Variants in MLIP observed in about 807,000 individuals in gnomAD.
The protein encoded by MLIP is muscular LMNA-interacting protein.
A neutral mutation model predicts 84.8 loss-of-function variants in MLIP; 79 were observed. That is an observed-to-expected ratio of 0.93 (90% CI 0.78 to 1.12). The LOEUF (loss-of-function observed/expected upper bound fraction) is 1.12. Among genes scored for constraint, MLIP ranks in the 50% most tolerant of loss-of-function variants. MLIP has a pLI of 0.00. For missense variants in MLIP, 1,257 were observed against 1,160.6 expected (o/e 1.08, Z -1.21); for synonymous variants, 504 against 463.0 (o/e 1.09, Z -1.14).
chr6:54,251,441 CAT>C lies in MLIP; in HGVS notation c.2923-5842_2923-5841del, dbSNP rs148476876. On this transcript the variant is annotated intron_variant, in intron 12 of 13. Transcript: ENST00000502396. ...TATCTCCAAAGTGAATGAAACAAGCCATATATATATATATATATATATATATC... is the reference window on the plus strand; with the variant it reads ...TATCTCCAAAGTGAATGAAACAAGCCATATATATATATATATATATATATC... Among the ~76,000 whole-genome samples, 317 of 88,756 alleles carry C rather than the reference CAT, an allele frequency of 3.6e-3. 2 individuals are homozygous for C. The highest frequency in any genetic ancestry group is 0.011 in the Middle Eastern group (2 of 174). 58.2% of individuals were successfully genotyped at this position (88,756 alleles called of 152,430 possible).
intron 1 of MLIP, among the ~76,000 whole-genome samples, chr6:54,033,984 T>C (rs1005550880): frequency 1.3e-5 from 2 of 152,212 alleles, no homozygotes; most frequent in Non-Finnish European, 2.9e-5. Flanking sequence ...ACAATTTCTC[T>C]TTAAAGAGGG....
chr6:54,019,460 A>G (rs1269370026), intron 1 of MLIP, among the ~76,000 whole-genome samples: 2 of 152,184 alleles, frequency 1.3e-5, no homozygotes, highest in African/African-American at 4.8e-5. Flanking sequence ...GATACCAGGA[A>G]TATATGCCAA....
At chr6:54,227,560 A>G (rs1780664097) in intron 11 of MLIP, among the ~76,000 whole-genome samples, 1 of 152,232 alleles carries the variant, frequency 6.6e-6, no homozygotes, top group African/African-American at 2.4e-5. Context: ...ATTATTGAGG[A>G]CAAAAAGAAA....
At position 54,137,418 on chromosome 6, in the gene MLIP, C is replaced by T. The variant is rs1771909004; in HGVS notation, c.1349C>T (p.Thr450Ile). ...SLNSPASSTL[T>I]LDQKEKQTPP... ...AACTCCCCGGCCTCTTCCACGCTCACACTTGACCAAAAAGAAAAGCAGACC... is the reference window on the plus strand; with the variant it reads ...AACTCCCCGGCCTCTTCCACGCTCATACTTGACCAAAAAGAAAAGCAGACC... Residue 450 changes from threonine (T) to isoleucine (I), a missense_variant, in exon 4 of 14, where the codon ACA (threonine) becomes ATA (isoleucine). By Grantham distance (89) the Thr-to-Ile change is moderately conservative. Transcript: ENST00000502396. 6.5e-7 allele frequency: 1 copy of T among 1,536,072 alleles called. No homozygotes were observed. The highest frequency in any genetic ancestry group is 1.2e-5 in the South Asian group (1 of 84,052).
Position 54,141,205 on chromosome 6 carries a change from T to C in MLIP, c.2217+2919T>C, listed in dbSNP as rs750355366. On this transcript the variant is annotated intron_variant, in intron 4 of 13. Coordinates refer to ENST00000502396, the MANE Select transcript of MLIP (RefSeq NM_001281747.2). ...GGTTCTGAATCTGCTTGCATTTGTG[T>C]GATATAATTGCTATGATATGTTAAA... Among the ~76,000 whole-genome samples, 259 of 152,282 alleles carry C rather than the reference T, an allele frequency of 1.7e-3. 1 individual carries two copies. Among genetic ancestry groups the C allele is most frequent in the Non-Finnish European group, 2.0e-3 (133 of 68,012 alleles).
chr6:54,036,573 A>G (rs761159015), intron 1 of MLIP, among the ~76,000 whole-genome samples: 15 of 152,194 alleles, frequency 9.9e-5, no homozygotes, highest in Admixed American at 3.3e-4. Flanking sequence ...ATGAGAATCA[A>G]AAAAGACCAA....
chr6:54,182,636 C>A (rs1686334936), intron 9 of MLIP, among the ~76,000 whole-genome samples: 1 of 152,122 alleles, frequency 6.6e-6, no homozygotes, highest in African/African-American at 2.4e-5. Context: ...CATTCTATTT[C>A]ATTCTATTTT....
chr6:54,033,352 C>T (rs999916681), intron 1 of MLIP, among the ~76,000 whole-genome samples: 11 of 151,594 alleles, frequency 7.3e-5, no homozygotes, highest in East Asian at 1.9e-4. Flanking sequence ...CTGCAACCTC[C>T]GCCTCCCGGG....
At chr6:54,193,246 G>C (rs1316574334) in intron 10 of MLIP, among the ~76,000 whole-genome samples, 2 of 151,628 alleles carry the variant, frequency 1.3e-5, no homozygotes, top group Non-Finnish European at 2.9e-5. Flanking sequence ...GGAAATTAGA[G>C]ATGAAAATAT....
intron 1 of MLIP, among the ~76,000 whole-genome samples, chr6:54,117,021 A>G (rs1317612120): frequency 1.3e-5 from 2 of 152,216 alleles, no homozygotes; most frequent in Non-Finnish European, 2.9e-5. Context: ...ATAGACGCAG[A>G]AAAGCATTTG....
At chr6:54,183,269 G>A (rs995390914) in intron 9 of MLIP, among the ~76,000 whole-genome samples, 10 of 152,160 alleles carry the variant, frequency 6.6e-5, no homozygotes, top group African/African-American at 2.4e-4. Flanking sequence ...CTGCTTCAAG[G>A]TAGGATGATG....
chr6:54,077,819 A>C (rs1472089689), intron 1 of MLIP, among the ~76,000 whole-genome samples: 1 of 152,248 alleles, frequency 6.6e-6, no homozygotes, highest in East Asian at 1.9e-4. Context: ...ACTTATCTTC[A>C]AAACACATGG....
At position 54,179,307 on chromosome 6, in the gene MLIP, G is replaced by A. The variant is rs562030994; in HGVS notation, c.2544+9735G>A. ...GTGAGTATGTTTATAGGCTAAGTGT[G>A]TTTCCTGTAGGCAACAGGTGATTGG... On this transcript the variant is annotated intron_variant, in intron 9 of 13. Transcript: ENST00000502396. Among the ~76,000 whole-genome samples, 14 of 152,162 alleles carry A rather than the reference G, an allele frequency of 9.2e-5. No homozygotes were observed. The South Asian group carries it at 2.7e-3, about 29-fold the overall frequency.
At chr6:54,194,526 T>C (rs1178074560) in intron 10 of MLIP, among the ~76,000 whole-genome samples, 2 of 152,154 alleles carry the variant, frequency 1.3e-5, no homozygotes. Flanking sequence ...CCTTTATTTT[T>C]ATACAACTAT....
intron 4 of MLIP, among the ~76,000 whole-genome samples, chr6:54,145,780 C>G (rs1430577646): frequency 2.7e-5 from 4 of 149,140 alleles, no homozygotes; most frequent in Admixed American, 1.3e-4. Flanking sequence ...TGTCCCCCAC[C>G]ACCCCCTCCC....
chr6:54,215,059 T>G, intron 11 of MLIP: 2 of 966,670 alleles, frequency 2.1e-6, no homozygotes, highest in Non-Finnish European at 3.1e-6. Context: ...TGGACCCTGG[T>G]CTCTGCCTTT....
At chr6:54,191,270 T>C (rs1777896291) in intron 10 of MLIP, among the ~76,000 whole-genome samples, 1 of 152,196 alleles carries the variant, frequency 6.6e-6, no homozygotes. Context: ...CAAATCATCT[T>C]GTCATTATTA....
At chr6:54,073,776 A>G (rs889963026) in intron 1 of MLIP, among the ~76,000 whole-genome samples, 7 of 152,220 alleles carry the variant, frequency 4.6e-5, no homozygotes, top group Non-Finnish European at 2.9e-5. Context: ...AATCTTTGCA[A>G]TTCTTAACAT....
At chr6:54,029,791 T>C (rs1411265971) in intron 1 of MLIP, among the ~76,000 whole-genome samples, 1 of 152,188 alleles carries the variant, frequency 6.6e-6, no homozygotes, top group African/African-American at 2.4e-5. Flanking sequence ...ATCTTTACTC[T>C]TTTTCTTAGC....
Sources: allele counts gnomAD v4.1 joint callset (sites outside exome capture counted in the v4.1 genomes callset), GRCh38; gene constraint gnomAD v4.1.1; transcripts MANE v1.5; gene names NCBI Gene and HGNC (gene_info 2026-07-23, HGNC 2026-07-21).